Variants in KALRN observed in about 807,000 individuals in gnomAD.
KALRN encodes kalirin RhoGEF kinase.
In KALRN, 70 loss-of-function variants were observed where a neutral mutation model predicts 353.7. The ratio of observed to expected loss-of-function variants is 0.20; its 90% CI spans 0.16 to 0.24. The LOEUF (loss-of-function observed/expected upper bound fraction) is 0.24, where lower values mean the gene tolerates loss of function less well. KALRN is among the 10% of genes least tolerant of loss of function. The probability of loss-of-function intolerance (pLI) is 1.00; values close to 1 mark genes in which losing one functional copy is unlikely to be tolerated. For synonymous variants in KALRN, 1,391 were observed against 1,434.8 expected (o/e 0.97, Z 0.69); for missense variants, 2,791 against 3,756.7 (o/e 0.74, Z 6.72).
chr3:124,375,520 A>G (rs1180814764), intron 10 of KALRN, among the ~76,000 whole-genome samples: 1 of 152,164 alleles, frequency 6.6e-6, no homozygotes, highest in African/African-American at 2.4e-5. Context: ...GAGGTCAGGG[A>G]CAGAATCTTT....
intron 56 of KALRN, 66 bp from the exon 57 acceptor site, chr3:124,701,972 G>A: frequency 7.7e-7 from 1 of 1,299,010 alleles, no homozygotes; most frequent in South Asian, 1.2e-5. Flanking sequence ...GAGCTTTTCT[G>A]TTAATTTTTT....
chr3:124,409,003 G>T (rs994407450), intron 13 of KALRN, among the ~76,000 whole-genome samples: 1 of 152,148 alleles, frequency 6.6e-6, no homozygotes, highest in Non-Finnish European at 1.5e-5. Context: ...ATTTCCCACT[G>T]CCTCTTACCC....
At chr3:124,123,056 C>G (rs2064207936) in intron 1 of KALRN, among the ~76,000 whole-genome samples, 1 of 152,064 alleles carries the variant, frequency 6.6e-6, no homozygotes, top group Non-Finnish European at 1.5e-5. Flanking sequence ...CAAAAATTAG[C>G]CAGGCGTGGT....
intron 10 of KALRN, among the ~76,000 whole-genome samples, chr3:124,353,642 A>T (rs574242317): frequency 1.3e-5 from 2 of 152,112 alleles, no homozygotes; most frequent in East Asian, 3.9e-4. Context: ...CTTGCCAGAG[A>T]TGATGACCAA....
chr3:124,422,605 G>T (rs1376616735), intron 14 of KALRN, among the ~76,000 whole-genome samples: 3 of 152,150 alleles, frequency 2.0e-5, no homozygotes, highest in Non-Finnish European at 4.4e-5. Context: ...TCAGGCAAAG[G>T]ATCAGTTAAT....
intron 10 of KALRN, among the ~76,000 whole-genome samples, chr3:124,361,130 G>A (rs1034212143): frequency 6.6e-6 from 1 of 152,110 alleles, no homozygotes; most frequent in Non-Finnish European, 1.5e-5. Flanking sequence ...AAGTGGAGGT[G>A]GCAAGATGTG....
intron 1 of KALRN, among the ~76,000 whole-genome samples, chr3:124,161,760 A>G (rs192082275): frequency 6.6e-6 from 1 of 152,150 alleles, no homozygotes; most frequent in African/African-American, 2.4e-5. Flanking sequence ...GATCACCCCC[A>G]ATTGTCTCCT....
At chr3:124,120,711 A>ATATATATATATATATATATATAT (rs2063898907) in intron 1 of KALRN, among the ~76,000 whole-genome samples, 15 of 98,930 alleles carry the variant, frequency 1.5e-4, no homozygotes, top group African/African-American at 5.5e-4. Context: ...GAATACTAAA[A>ATATATATATATATATATATATAT]ATATATATAT....
chr3:124,226,291 T>A lies in KALRN; in HGVS notation c.74-1699T>A, dbSNP rs558429868. The stretch of plus-strand genomic sequence containing the variant: ...TTAGCCTCTATTAGTGAAATTTAAT[T>A]GTTTTTCTGTGGAAAAGATAAAATT... On this transcript the variant is annotated intron_variant, in intron 1 of 59. Transcript: ENST00000682506. Among the ~76,000 whole-genome samples, 8 of 152,356 alleles carry A rather than the reference T, an allele frequency of 5.3e-5. No homozygotes were observed. The East Asian group carries it at 1.5e-3, about 29-fold the overall frequency.
intron 33 of KALRN, among the ~76,000 whole-genome samples, chr3:124,501,509 G>A (rs1232069918): frequency 6.6e-6 from 1 of 152,194 alleles, no homozygotes; most frequent in African/African-American, 2.4e-5. Flanking sequence ...CCAACTAAGG[G>A]GAAATTCAAA....
intron 17 of KALRN, among the ~76,000 whole-genome samples, chr3:124,437,325 G>A (rs117414963): frequency 0.012 from 1,792 of 152,256 alleles, 25 homozygotes; most frequent in East Asian, 0.074. Flanking sequence ...CTATGAGAGC[G>A]TTCTTCCTGG....
intron 1 of KALRN, among the ~76,000 whole-genome samples, chr3:124,126,462 G>A (rs1345461484): frequency 6.6e-6 from 1 of 152,126 alleles, no homozygotes; most frequent in Non-Finnish European, 1.5e-5. Flanking sequence ...TTGAGAGGTG[G>A]AAAACGGAGG....
chr3:124,276,652 CG>C (rs1367817996), intron 5 of KALRN, among the ~76,000 whole-genome samples: 1 of 152,188 alleles, frequency 6.6e-6, no homozygotes, highest in Non-Finnish European at 1.5e-5. Context: ...TAATTCTTTT[CG>C]GAATGTTCAA....
chr3:124,226,820 G>A (rs1290399849), intron 1 of KALRN, among the ~76,000 whole-genome samples: 1 of 152,132 alleles, frequency 6.6e-6, no homozygotes, highest in Non-Finnish European at 1.5e-5. Context: ...TGTCAAATTT[G>A]GACCCTAAGG....
rs186491787 is a variant in KALRN at position 124,613,688 on chromosome 3, A to G, written c.5183-18732A>G. 7.2e-5 allele frequency among the ~76,000 whole-genome samples: 11 copies of G among 152,334 alleles called. No individual in the cohort carries two copies. In the East Asian group the frequency reaches 1.9e-3, roughly 27 times the overall value. ...CTAAATCAGTGTTTTCTAAACTAGA[A>G]GCCAACATTTGAGCTTCTAAGGTTC... On this transcript the variant is annotated intron_variant, in intron 34 of 59. Coordinates refer to ENST00000682506, the MANE Select transcript of KALRN (RefSeq NM_001388419.1).
At chr3:124,489,965 T>C (rs1464999507) in intron 29 of KALRN, among the ~76,000 whole-genome samples, 1 of 152,162 alleles carries the variant, frequency 6.6e-6, no homozygotes, top group East Asian at 1.9e-4. Context: ...ATTCTAGAAA[T>C]GGAATATAAG....
chr3:124,713,243 G>A (rs1013322226), intron 58 of KALRN, 108 bp downstream of exon 58: 4 of 829,740 alleles, frequency 4.8e-6, no homozygotes, highest in Non-Finnish European at 7.5e-6. Flanking sequence ...CCTATCATTT[G>A]CAAAGTGCTG....
intron 57 of KALRN, among the ~76,000 whole-genome samples, chr3:124,706,068 A>G (rs2150730766): frequency 6.6e-6 from 1 of 152,128 alleles, no homozygotes; most frequent in Admixed American, 6.5e-5. Flanking sequence ...CATTATGCCC[A>G]GCTAACTTTT....
chr3:124,609,157 A>G (rs912750191), intron 34 of KALRN, among the ~76,000 whole-genome samples: 4 of 152,234 alleles, frequency 2.6e-5, no homozygotes, highest in African/African-American at 9.6e-5. Context: ...TGAAGTGTTA[A>G]AGGTCACAAA....
Sources: allele counts gnomAD v4.1 joint callset (sites outside exome capture counted in the v4.1 genomes callset), GRCh38; gene constraint gnomAD v4.1.1; transcripts MANE v1.5; gene names NCBI Gene and HGNC (gene_info 2026-07-23, HGNC 2026-07-21).